The following CARM1 variants were observed in gnomAD, a reference collection of about 807,000 sequenced individuals.
CARM1 encodes the protein coactivator associated arginine methyltransferase 1, also known as histone-arginine methyltransferase CARM1.
CARM1 carries 14 observed loss-of-function variants against 72.7 expected under a neutral mutation model. The ratio of observed to expected loss-of-function variants is 0.19; its 90% CI spans 0.13 to 0.30. The LOEUF (loss-of-function observed/expected upper bound fraction) is 0.30, where lower values mean the gene tolerates loss of function less well. Among genes scored for constraint, CARM1 ranks in the 10% least tolerant of loss-of-function variants. The pLI is 1.00. For synonymous variants in CARM1, 333 were observed against 345.5 expected (o/e 0.96, Z 0.40); for missense variants, 432 against 833.7 (o/e 0.52, Z 5.93).
At chr19:10,904,704 G>T (rs2074090079) in intron 1 of CARM1, among the ~76,000 whole-genome samples, 2 of 152,224 alleles carry the variant, frequency 1.3e-5, no homozygotes, top group South Asian at 4.1e-4. Flanking sequence ...CCTTCACCAT[G>T]CCCGTCTCAG....
Position 10,871,900 on chromosome 19 carries a change from G to C in CARM1, c.198G>C (p.Ser66=). ...TCGAGGTGCGCGCCGGCCCGGACTC[G>C]GCGGGCATCGCCCTCTACAGCCGTG... ...LRLEVRAGPD[S]AGIALYSHED... The change falls in exon 1 of 16, where the codon TCG becomes TCC. Residue 66 remains serine (S), a synonymous_variant. Coordinates refer to ENST00000327064, the MANE Select transcript of CARM1 (RefSeq NM_199141.2). This position sits in a 1 kb window ranked among gnomAD's most constrained non-coding sequence, Gnocchi z 5.6. 4 of 1,229,866 alleles carry C rather than the reference G, an allele frequency of 3.3e-6. No homozygotes were observed. Among genetic ancestry groups the C allele is most frequent in the Non-Finnish European group, 4.1e-6 (4 of 982,728 alleles). 76.2% of individuals were successfully genotyped at this position (1,229,866 alleles called of 1,614,324 possible).
intron 1 of CARM1, among the ~76,000 whole-genome samples, chr19:10,882,507 A>T (rs1330010831): frequency 6.8e-6 from 1 of 146,274 alleles, no homozygotes; most frequent in East Asian, 2.1e-4. Flanking sequence ...AGTCGGACAC[A>T]GCCCCCCAAT....
chr19:10,900,941 C>G (rs549236243), intron 1 of CARM1, among the ~76,000 whole-genome samples: 26 of 152,134 alleles, frequency 1.7e-4, no homozygotes, highest in East Asian at 3.9e-4. Flanking sequence ...CCTCGGCCCC[C>G]CAAAGTGCTG....
chr19:10,906,540 G>A (rs890456864), intron 2 of CARM1, among the ~76,000 whole-genome samples: 2 of 152,090 alleles, frequency 1.3e-5, no homozygotes, highest in South Asian at 2.1e-4. Flanking sequence ...TCGGCTCACC[G>A]CAACCTCCAT....
At chr19:10,873,668 C>G (rs1221331877) in intron 1 of CARM1, among the ~76,000 whole-genome samples, 1 of 94,514 alleles carries the variant, frequency 1.1e-5, no homozygotes, top group Non-Finnish European at 1.9e-5. Flanking sequence ...GAGACAGAGT[C>G]TTGCTCGGTC....
At chr19:10,889,475 C>T (rs1468046446) in intron 1 of CARM1, among the ~76,000 whole-genome samples, 15 of 147,884 alleles carry the variant, frequency 1.0e-4, no homozygotes, top group South Asian at 4.3e-4. Flanking sequence ...CCACCATGCC[C>T]GGCTAATTTT....
chr19:10,916,091 C>T lies in CARM1; in HGVS notation c.848-316C>T, dbSNP rs962750249. Among the ~76,000 whole-genome samples the T allele has an allele frequency of 7.2e-5, 11 of 152,324 alleles. No homozygotes were observed. The highest frequency in any genetic ancestry group is 8.8e-5 in the Non-Finnish European group (6 of 68,036). The stretch of plus-strand genomic sequence containing the variant: ...TGAGAGGCAGCGCCTGGCCACATCC[C>T]GGGCACTGCCTGCTTCCCCGTGAGT... On this transcript the variant is annotated intron_variant, in intron 6 of 15. Coordinates refer to ENST00000327064, the MANE Select transcript of CARM1 (RefSeq NM_199141.2). This position sits in a 1 kb window ranked among gnomAD's most constrained non-coding sequence, Gnocchi z 4.4.
chr19:10,906,074 C>T (rs781669874), intron 2 of CARM1, among the ~76,000 whole-genome samples: 4 of 151,286 alleles, frequency 2.6e-5, no homozygotes, highest in South Asian at 2.1e-4. Context: ...CTCAGCCTCC[C>T]GCGTAGCTGG....
chr19:10,881,090 C>T (rs1019483088), intron 1 of CARM1, among the ~76,000 whole-genome samples: 11 of 152,196 alleles, frequency 7.2e-5, no homozygotes, highest in Admixed American at 5.9e-4. Context: ...TGCTTGAGCC[C>T]AGAAGCTTGA....
chr19:10,910,456 G>A (rs2074139783), intron 4 of CARM1, among the ~76,000 whole-genome samples: 1 of 151,474 alleles, frequency 6.6e-6, no homozygotes, highest in African/African-American at 2.4e-5. Context: ...ACTCCAGCCT[G>A]GGCAAGAGAG....
intron 1 of CARM1, among the ~76,000 whole-genome samples, chr19:10,874,112 C>T: frequency 6.6e-6 from 1 of 152,108 alleles, no homozygotes; most frequent in East Asian, 1.9e-4. Context: ...TAATTGGTAA[C>T]TGAAACATTT....
At position 10,871,634 on chromosome 19, in the gene CARM1, G is replaced by A. The variant is rs1452581165; in HGVS notation, c.-69G>A. 5.2e-5 allele frequency: 8 copies of A among 152,774 alleles called. No homozygotes were observed. Among genetic ancestry groups the A allele is most frequent in the Admixed American group, 1.3e-4 (1 of 7,534 alleles). The allele number at this position is 152,774 out of a possible 1,614,324, so 9.5% of individuals were successfully genotyped here. A position where few individuals can be genotyped will look rare whatever the true frequency, so the allele number is the denominator to read the frequency against. ...CGGCGGCGGCGGCGGCGGCGGCGGC[G>A]GCGGCAGCGGCGGCGGCCTGGGCCC... On this transcript the variant is annotated 5_prime_UTR_variant, in exon 1 of 16. Transcript: ENST00000327064. The surrounding 1 kb of genome is among the most constrained non-coding windows in gnomAD (Gnocchi z 5.6).
rs1273343712 is a variant in CARM1, at chr19:10,922,068, T to G, written c.*311T>G. 4.4e-6 allele frequency: 1 copy of G among 228,904 alleles called. No individual in the cohort carries two copies. Among genetic ancestry groups the G allele is most frequent in the African/African-American group, 2.3e-5 (1 of 44,030 alleles). The allele number at this position is 228,904 out of a possible 1,614,324, so 14.2% of individuals were successfully genotyped here. On this transcript the variant is annotated 3_prime_UTR_variant, in exon 16 of 16. Coordinates refer to ENST00000327064, the MANE Select transcript of CARM1 (RefSeq NM_199141.2). ...CTGCTGGAACAGGCGCCATGGGGCC[T>G]GCCAGCCCTGCCTGCCAGGTCCCTT... is the stretch of plus-strand genomic sequence containing the variant.
Position 10,871,974 on chromosome 19 carries a change from G to C in CARM1, c.220+52G>C, listed in dbSNP as rs1164370620. On this transcript the variant is annotated intron_variant, in intron 1 of 15. Transcript: ENST00000327064. This position sits in a 1 kb window ranked among gnomAD's most constrained non-coding sequence, Gnocchi z 5.6. ...CAGGGCCGGGGCTGCTCACGAGGCC[G>C]GCCCGGGGCGGGGGCCGGCGGGGAG... The C allele has an allele frequency of 8.6e-7, 1 of 1,161,308 alleles. No individual in the cohort carries two copies. Among genetic ancestry groups the C allele is most frequent in the Non-Finnish European group, 1.1e-6 (1 of 941,550 alleles). The allele number at this position is 1,161,308 out of a possible 1,614,324, so 71.9% of individuals were successfully genotyped here.
intron 1 of CARM1, among the ~76,000 whole-genome samples, chr19:10,903,338 A>C (rs575693962): frequency 4.4e-4 from 67 of 152,256 alleles, no homozygotes; most frequent in Middle Eastern, 6.8e-3. Context: ...TGTTTTGGCT[A>C]TTCAGGGTGA....
chr19:10,871,892 C>G lies in CARM1; in HGVS notation c.190C>G (p.Pro64Ala), dbSNP rs2073821398. 2 of 1,237,592 alleles carry G rather than the reference C, an allele frequency of 1.6e-6. No homozygotes were observed. Among genetic ancestry groups the G allele is most frequent in the Non-Finnish European group, 2.0e-6 (2 of 987,072 alleles). The allele number at this position is 1,237,592 out of a possible 1,614,324, so 76.7% of individuals were successfully genotyped here. A position where few individuals can be genotyped will look rare whatever the true frequency, so the allele number is the denominator to read the frequency against. ...GCTGCGCCTCGAGGTGCGCGCCGGC[C>G]CGGACTCGGCGGGCATCGCCCTCTA... ...QALRLEVRAG[P>A]DSAGIALYSH... Residue 64 changes from proline to alanine, a missense_variant, in exon 1 of 16, where the codon CCG becomes GCG. By Grantham distance (27) the Pro-to-Ala change is conservative (BLOSUM62 -1). Around this residue, in one of 3 missense-constraint regions of CARM1, gnomAD observed 138 missense variants for 192.3 expected, o/e 0.72. Transcript: ENST00000327064. The surrounding 1 kb of genome is among the most constrained non-coding windows in gnomAD (Gnocchi z 5.6).
intron 1 of CARM1, among the ~76,000 whole-genome samples, chr19:10,902,969 T>G (rs2074077491): frequency 6.6e-6 from 1 of 152,178 alleles, no homozygotes. Context: ...CAAATAGTTC[T>G]CCTAAGAGTT....
chr19:10,914,200 A>C, intron 6 of CARM1, 146 bp downstream of exon 6: 1 of 801,212 alleles, frequency 1.2e-6, no homozygotes, highest in East Asian at 2.9e-5. Context: ...TCCCACCCCA[A>C]CCCCACTCCA....
intron 1 of CARM1, among the ~76,000 whole-genome samples, chr19:10,903,885 G>A (rs1348407269): frequency 6.6e-6 from 1 of 152,106 alleles, no homozygotes; most frequent in Non-Finnish European, 1.5e-5. Flanking sequence ...AAATTTTTTT[G>A]TAGAGATGGG....
Sources: gnomAD v4.1 joint callset for allele counts (sites outside exome capture counted in the v4.1 genomes callset) on GRCh38, gnomAD v4.1.1 for gene constraint, gnomAD v4.1.1 regional missense constraint, Gnocchi (gnomAD v3.1) non-coding constraint, MANE v1.5 for transcripts, NCBI Gene and HGNC (gene_info 2026-07-23, HGNC 2026-07-21) for gene names.